RIT2: variants seen among roughly 807,000 people sequenced by gnomAD.
The protein encoded by RIT2 is GTP-binding protein Rit2.
RIT2 carries 24 observed loss-of-function variants against 23.7 expected under a neutral mutation model. That is an observed-to-expected ratio of 1.01 (90% CI 0.73 to 1.43). The LOEUF (loss-of-function observed/expected upper bound fraction) is 1.43, where lower values mean the gene tolerates loss of function less well. Among genes scored for constraint, RIT2 ranks in the 40% most tolerant of loss-of-function variants. The pLI is 0.00. For missense variants in RIT2, 236 were observed against 266.9 expected, an observed-to-expected ratio of 0.88 and a Z score of 0.81; for synonymous variants, 107 against 91.1, an observed-to-expected ratio of 1.17 and a Z score of -0.99.
At chr18:42,763,143 A>G (rs1160555767) in intron 4 of RIT2, among the ~76,000 whole-genome samples, 1 of 152,204 alleles carries the variant, frequency 6.6e-6, no homozygotes, top group Non-Finnish European at 1.5e-5. Context: ...AAGAAGGTAC[A>G]GTAAAAAATC....
intron 4 of RIT2, among the ~76,000 whole-genome samples, chr18:42,837,516 C>A (rs1906650200): frequency 6.6e-6 from 1 of 151,794 alleles, no homozygotes; most frequent in South Asian, 2.1e-4. Context: ...TTTTTTCATG[C>A]TGATCATATG....
At chr18:42,760,375 C>A (rs932264650) in intron 4 of RIT2, among the ~76,000 whole-genome samples, 1 of 152,152 alleles carries the variant, frequency 6.6e-6, no homozygotes, top group Non-Finnish European at 1.5e-5. Context: ...GAAGCAGCAG[C>A]CTGAGACTGC....
intron 3 of RIT2, among the ~76,000 whole-genome samples, chr18:42,938,410 C>A (rs1187221932): frequency 6.6e-6 from 1 of 152,026 alleles, no homozygotes; most frequent in Non-Finnish European, 1.5e-5. Flanking sequence ...AAAATAATTC[C>A]TTCTCACCTA....
chr18:43,037,393 G>A (rs887009500), intron 1 of RIT2, among the ~76,000 whole-genome samples: 2 of 151,986 alleles, frequency 1.3e-5, no homozygotes, highest in Non-Finnish European at 2.9e-5. Flanking sequence ...TATAATCACT[G>A]CATTAACTTT....
At chr18:42,902,565 A>G (rs901744669) in intron 4 of RIT2, among the ~76,000 whole-genome samples, 2 of 149,704 alleles carry the variant, frequency 1.3e-5, no homozygotes, top group Non-Finnish European at 3.0e-5. Flanking sequence ...ATTTTAAAAG[A>G]TGCAAATAAA....
At chr18:42,882,181 A>G (rs367757005) in intron 4 of RIT2, among the ~76,000 whole-genome samples, 3 of 152,232 alleles carry the variant, frequency 2.0e-5, no homozygotes, top group South Asian at 4.1e-4. Context: ...TTAGTATTCA[A>G]GATGGAAAAT....
In RIT2 at chr18:43,079,315, A is replaced by T. The variant is rs534756481; in HGVS notation, c.103+36102T>A. ...CTTTTGTTTTGGTTTTGTACTAATA[A>T]GACTGGAAATAAAACAAAGACTGAG... On this transcript the variant is annotated intron_variant, in intron 1 of 4. Coordinates refer to ENST00000326695, the MANE Select transcript of RIT2 (RefSeq NM_002930.4). Among the ~76,000 whole-genome samples, 306 of 152,280 alleles carry T rather than the reference A, an allele frequency of 2.0e-3. 2 individuals are homozygous for T. The highest frequency in any genetic ancestry group is 6.9e-3 in the African/African-American group (286 of 41,554).
intron 2 of RIT2, among the ~76,000 whole-genome samples, chr18:42,998,830 T>C (rs1185921135): frequency 1.3e-5 from 2 of 151,942 alleles, no homozygotes; most frequent in East Asian, 3.9e-4. Context: ...TTTGCAGGGG[T>C]TGGGGAAATA....
chr18:42,957,239 A>G (rs1909993410), intron 3 of RIT2, among the ~76,000 whole-genome samples: 1 of 152,208 alleles, frequency 6.6e-6, no homozygotes, highest in African/African-American at 2.4e-5. Flanking sequence ...AAATATCCAT[A>G]ATGCATCCTT....
chr18:42,815,792 A>C (rs1431972966), intron 4 of RIT2, among the ~76,000 whole-genome samples: 4 of 152,188 alleles, frequency 2.6e-5, no homozygotes, highest in Non-Finnish European at 4.4e-5. Context: ...CAATCAGAAC[A>C]ATACAAATCA....
At chr18:42,851,894 A>C (rs1302366920) in intron 4 of RIT2, among the ~76,000 whole-genome samples, 1 of 152,152 alleles carries the variant, frequency 6.6e-6, no homozygotes, top group African/African-American at 2.4e-5. Context: ...ACAGCAGTGC[A>C]CTGTAACTCC....
chr18:42,884,807 T>C (rs1568021037), intron 4 of RIT2, among the ~76,000 whole-genome samples: 1 of 152,234 alleles, frequency 6.6e-6, no homozygotes, highest in Non-Finnish European at 1.5e-5. Context: ...TCGTTGGTTA[T>C]AGTGCAATTA....
chr18:43,008,930 A>G (rs1230065056), intron 2 of RIT2, among the ~76,000 whole-genome samples: 2 of 151,652 alleles, frequency 1.3e-5, no homozygotes, highest in Non-Finnish European at 3.0e-5. Context: ...GGTTAAAAAT[A>G]CAGGAGTTCA....
intron 1 of RIT2, among the ~76,000 whole-genome samples, chr18:43,100,984 T>C (rs562459400): frequency 6.6e-6 from 1 of 152,162 alleles, no homozygotes; most frequent in South Asian, 2.1e-4. Flanking sequence ...CATATATGTG[T>C]GTGTGTTTGT....
At chr18:42,876,117 CA>C (rs1026883744) in intron 4 of RIT2, among the ~76,000 whole-genome samples, 2 of 151,886 alleles carry the variant, frequency 1.3e-5, no homozygotes, top group African/African-American at 4.8e-5. Flanking sequence ...TATACGGACT[CA>C]AAAAGTTTAG....
intron 2 of RIT2, among the ~76,000 whole-genome samples, chr18:43,009,475 A>G (rs1333680483): frequency 1.3e-5 from 2 of 151,724 alleles, no homozygotes; most frequent in African/African-American, 4.8e-5. Flanking sequence ...TTCCTCTTTC[A>G]ATACAAATGG....
At chr18:42,891,849 A>C (rs1908186284) in intron 4 of RIT2, among the ~76,000 whole-genome samples, 1 of 152,100 alleles carries the variant, frequency 6.6e-6, no homozygotes, top group Non-Finnish European at 1.5e-5. Flanking sequence ...AACCCATATA[A>C]TGTACAACAA....
intron 4 of RIT2, among the ~76,000 whole-genome samples, chr18:42,908,895 C>T (rs921836700): frequency 1.3e-5 from 2 of 152,076 alleles, no homozygotes; most frequent in African/African-American, 4.8e-5. Flanking sequence ...ATTAGTACAA[C>T]CACTACGGAA....
At chr18:42,989,859 T>G (rs1910798323) in intron 2 of RIT2, among the ~76,000 whole-genome samples, 1 of 152,206 alleles carries the variant, frequency 6.6e-6, no homozygotes, top group Admixed American at 6.5e-5. Flanking sequence ...TTTAAACTCC[T>G]ACTATGTTTT....
Sources: allele counts gnomAD v4.1 joint callset (sites outside exome capture counted in the v4.1 genomes callset), GRCh38; gene constraint gnomAD v4.1.1; transcripts MANE v1.5; gene names NCBI Gene and HGNC (gene_info 2026-07-23, HGNC 2026-07-21).